The following CTNNA3 variants were observed in gnomAD, a reference collection of about 807,000 sequenced individuals.
CTNNA3 encodes catenin alpha 3.
In CTNNA3, 76 loss-of-function variants were observed where a neutral mutation model predicts 95.7. That is an observed-to-expected ratio of 0.79 (90% CI 0.66 to 0.96). The LOEUF is 0.96. CTNNA3 is among the 40% of genes least tolerant of loss of function. The probability of loss-of-function intolerance (pLI) is 0.00; values close to 1 mark genes in which losing one functional copy is unlikely to be tolerated. For synonymous variants in CTNNA3, 431 were observed against 374.4 expected, an observed-to-expected ratio of 1.15 and a Z score of -1.74; for missense variants, 1,191 against 1,089.8, an observed-to-expected ratio of 1.09 and a Z score of -1.31.
At position 67,057,621 on chromosome 10, in the gene CTNNA3, C is replaced by G. The variant is rs576270120; in HGVS notation, c.1047+122696G>C. 2.0e-5 allele frequency among the ~76,000 whole-genome samples: 3 copies of G among 152,208 alleles called. No homozygotes were observed. In the East Asian group the frequency reaches 5.8e-4, roughly 29 times the overall value. On this transcript the variant is annotated intron_variant, in intron 7 of 17. Transcript: ENST00000433211. ...TACTTCTTTTTTAAGACTGAGAATA[C>G]TGACCCAGCAACACGAGGTTGGTTT...
intron 12 of CTNNA3, among the ~76,000 whole-genome samples, chr10:66,292,474 G>A (rs191553499): frequency 1.4e-4 from 21 of 152,202 alleles, no homozygotes; most frequent in African/African-American, 4.6e-4. Flanking sequence ...ATCAGTTGCT[G>A]TGAATTTCGT....
intron 5 of CTNNA3, among the ~76,000 whole-genome samples, chr10:67,477,174 G>A (rs1848046567): frequency 6.6e-6 from 1 of 151,920 alleles, no homozygotes; most frequent in Non-Finnish European, 1.5e-5. Context: ...AGTTTAGGCT[G>A]CTCCCTCTCT....
chr10:67,644,428 AT>A (rs1192113693), intron 2 of CTNNA3, among the ~76,000 whole-genome samples: 1 of 152,136 alleles, frequency 6.6e-6, no homozygotes, highest in Non-Finnish European at 1.5e-5. Flanking sequence ...ATCTAAAAAA[AT>A]AAAAATAAAC....
chr10:66,487,767 A>G (rs1030741709), intron 11 of CTNNA3, among the ~76,000 whole-genome samples: 8 of 152,228 alleles, frequency 5.3e-5, no homozygotes, highest in East Asian at 1.9e-4. Flanking sequence ...AACACAAACT[A>G]TTCTTCACCA....
At chr10:66,114,117 C>T (rs540632924) in intron 13 of CTNNA3, among the ~76,000 whole-genome samples, 9 of 152,200 alleles carry the variant, frequency 5.9e-5, no homozygotes, top group African/African-American at 2.2e-4. Flanking sequence ...CAGACCTATT[C>T]CAATTTATTT....
At chr10:66,538,453 C>T (rs890793006) in intron 10 of CTNNA3, among the ~76,000 whole-genome samples, 10 of 152,074 alleles carry the variant, frequency 6.6e-5, no homozygotes, top group Non-Finnish European at 1.5e-5. Context: ...GACTTTGGAT[C>T]TATGGAATTT....
intron 1 of CTNNA3, among the ~76,000 whole-genome samples, chr10:67,731,169 C>A (rs552293079): frequency 1.3e-5 from 2 of 152,148 alleles, no homozygotes; most frequent in South Asian, 2.1e-4. Flanking sequence ...GTTATTATAT[C>A]CAGAATGAGA....
At chr10:66,199,806 T>TATATATATATATATATA (rs1554887153) in intron 13 of CTNNA3, among the ~76,000 whole-genome samples, 3 of 9,028 alleles carry the variant, frequency 3.3e-4, no homozygotes, top group African/African-American at 9.7e-4. Flanking sequence ...TATATATATA[T>TATATATATATATATATA]TTTTTTTTTT....
intron 9 of CTNNA3, among the ~76,000 whole-genome samples, chr10:66,689,361 C>A (rs184878908): frequency 4.8e-4 from 73 of 152,216 alleles, no homozygotes; most frequent in African/African-American, 1.6e-3. Flanking sequence ...AAAGCTCTCT[C>A]CAAAATTAGG....
At chr10:66,652,661 C>A (rs1845951521) in intron 9 of CTNNA3, among the ~76,000 whole-genome samples, 1 of 152,102 alleles carries the variant, frequency 6.6e-6, no homozygotes, top group African/African-American at 2.4e-5. Context: ...TACCACCATA[C>A]CAAATCCATA....
chr10:66,345,879 C>T (rs2092505200), intron 12 of CTNNA3, among the ~76,000 whole-genome samples: 1 of 151,388 alleles, frequency 6.6e-6, no homozygotes, highest in South Asian at 2.1e-4. Flanking sequence ...AGTTTGAGAC[C>T]AGCCTGACCA....
intron 12 of CTNNA3, among the ~76,000 whole-genome samples, chr10:66,328,911 C>CATATATATATATATATATACATATAT (rs2092289702): frequency 1.2e-5 from 1 of 86,492 alleles, no homozygotes; most frequent in Non-Finnish European, 2.5e-5. Context: ...CACATATATA[C>CATATATATATATATATATACATATAT]ATATATATAT....
chr10:66,408,436 G>T (rs1396875406), intron 11 of CTNNA3, among the ~76,000 whole-genome samples: 1 of 152,024 alleles, frequency 6.6e-6, no homozygotes, highest in Non-Finnish European at 1.5e-5. Context: ...CATGACAGAA[G>T]GGGCACCTAA....
chr10:67,521,696 A>G (rs1839992018), intron 5 of CTNNA3, 146 bp downstream of exon 5: 4 of 971,520 alleles, frequency 4.1e-6, no homozygotes, highest in South Asian at 2.4e-5. Context: ...AGCCATATGA[A>G]CACAGCAGAT....
rs531276500 is a variant in CTNNA3 at position 66,524,711 on chromosome 10, A to C, written c.1375-3938T>G. Among the ~76,000 whole-genome samples, 7 of 152,276 alleles carry C rather than the reference A, an allele frequency of 4.6e-5. No individual in the cohort carries two copies. In the East Asian group the frequency reaches 1.4e-3, roughly 29 times the overall value. On this transcript the variant is annotated intron_variant, in intron 10 of 17. Coordinates refer to ENST00000433211, the MANE Select transcript of CTNNA3 (RefSeq NM_013266.4). ...ACAAGGAAACTAGAGCCAAAGTGCAAGGAAGAAGAAACTGTAAATAGACTG... is the reference window on the plus strand; with the variant it reads ...ACAAGGAAACTAGAGCCAAAGTGCACGGAAGAAGAAACTGTAAATAGACTG...
chr10:67,114,340 CT>C (rs1859063622), intron 7 of CTNNA3, among the ~76,000 whole-genome samples: 1 of 151,966 alleles, frequency 6.6e-6, no homozygotes, highest in South Asian at 2.1e-4. Context: ...TATTTCAATT[CT>C]GTTCAAAGAG....
chr10:66,254,682 C>T (rs1342658291), intron 13 of CTNNA3, among the ~76,000 whole-genome samples: 1 of 152,190 alleles, frequency 6.6e-6, no homozygotes, highest in African/African-American at 2.4e-5. Flanking sequence ...CTTTTTGACT[C>T]ATCCTGGGAC....
At chr10:66,534,322 T>A (rs2132058155) in intron 10 of CTNNA3, among the ~76,000 whole-genome samples, 2 of 152,268 alleles carry the variant, frequency 1.3e-5, no homozygotes, top group South Asian at 4.1e-4. Flanking sequence ...AGAAAAGCTC[T>A]ATAATCTATT....
intron 11 of CTNNA3, among the ~76,000 whole-genome samples, chr10:66,420,841 A>C (rs1338105162): frequency 6.8e-6 from 1 of 147,622 alleles, no homozygotes; most frequent in African/African-American, 2.5e-5. Flanking sequence ...AAATAAATAA[A>C]AAACAATATG....
Sources: allele counts gnomAD v4.1 joint callset (sites outside exome capture counted in the v4.1 genomes callset), GRCh38; gene constraint gnomAD v4.1.1; transcripts MANE v1.5; gene names NCBI Gene and HGNC (gene_info 2026-07-23, HGNC 2026-07-21).